The following RGPD2 variants were observed in gnomAD, a reference collection of about 807,000 sequenced individuals.
RGPD2 encodes RANBP2 like and GRIP domain containing 2, also known as RANBP2-like and GRIP domain-containing protein 2.
Under a neutral mutation model 36.0 loss-of-function variants are expected in RGPD2, and 2 were observed. The observed-to-expected ratio is 0.06, with a 90% confidence interval of 0.02 to 0.17. The LOEUF is 0.17. Ranked by LOEUF, RGPD2 falls within the 10% of genes least tolerant of loss-of-function variation. The pLI is 1.00. For missense variants in RGPD2, 40 were observed against 464.3 expected, an observed-to-expected ratio of 0.09 and a Z score of 8.40; for synonymous variants, 19 against 163.8, an observed-to-expected ratio of 0.12 and a Z score of 6.75.
At chr2:87,824,313 T>C (rs1476427264) in intron 1 of RGPD2, among the ~76,000 whole-genome samples, 1 of 151,446 alleles carries the variant, frequency 6.6e-6, no homozygotes, top group Non-Finnish European at 1.5e-5. Context: ...TGTGAGGGAG[T>C]AGAAAAATGG....
chr2:87,939,964 C>T, the RGPD2 span, among the ~76,000 whole-genome samples: 6 of 152,044 alleles, frequency 3.9e-5, no homozygotes, highest in African/African-American at 9.7e-5. Flanking sequence ...TGAACATTTT[C>T]GCATTTCAAA....
intron 19 of RGPD2, among the ~76,000 whole-genome samples, 200 bp from the exon 20 acceptor site, chr2:87,784,547 A>G (rs1438146829): frequency 1.3e-5 from 2 of 151,810 alleles, no homozygotes; most frequent in East Asian, 3.9e-4. Context: ...TCTCATTTTA[A>G]TATCCTCAAA....
the RGPD2 span, among the ~76,000 whole-genome samples, chr2:87,832,431 G>A: frequency 6.6e-6 from 1 of 151,914 alleles, no homozygotes; most frequent in African/African-American, 2.4e-5. Flanking sequence ...AAGTCTGGAA[G>A]AGAAAGGACA....
At chr2:87,815,046 CA>C (rs1686241879) in intron 4 of RGPD2, among the ~76,000 whole-genome samples, 1 of 121,494 alleles carries the variant, frequency 8.2e-6, no homozygotes, top group Non-Finnish European at 1.6e-5. Context: ...AGCATGACTA[CA>C]AAAGGGGCAG....
At chr2:87,860,635 G>T in the RGPD2 span, among the ~76,000 whole-genome samples, 2 of 151,854 alleles carry the variant, frequency 1.3e-5, no homozygotes, top group African/African-American at 4.8e-5. Flanking sequence ...CTACTGGAAG[G>T]TTTTGAAAGC....
At chr2:87,854,790 G>T in the RGPD2 span, among the ~76,000 whole-genome samples, 18,866 of 150,020 alleles carry the variant, frequency 0.13, no homozygotes, top group Middle Eastern at 0.2. Flanking sequence ...AGGACATGTT[G>T]GTTGTTTCCA....
rs1157172351 is a variant in RGPD2 at position 87,781,471 on chromosome 2, T to G, written c.4900+653A>C. On this transcript the variant is annotated intron_variant, in intron 20 of 22. Coordinates refer to ENST00000398146, the MANE Select transcript of RGPD2 (RefSeq NM_001078170.3). ...GGTTTTTTTTGTTTTTTTGTTTTTT[T>G]TTTTTTTTTTGGAGACAAAGTCTCA... Among the ~76,000 whole-genome samples the G allele has an allele frequency of 7.9e-4, 109 of 137,650 alleles. 1 individual carries two copies. The highest frequency in any genetic ancestry group is 1.8e-3 in the African/African-American group (68 of 37,032). The allele number at this position is 137,650 out of a possible 152,430, so 90.3% of individuals were successfully genotyped here. A position where few individuals can be genotyped will look rare whatever the true frequency, so the allele number is the denominator to read the frequency against.
At chr2:87,813,999 T>C (rs945704956) in intron 4 of RGPD2, among the ~76,000 whole-genome samples, 2 of 151,456 alleles carry the variant, frequency 1.3e-5, no homozygotes, top group Middle Eastern at 3.2e-3. Flanking sequence ...GAAAACAATC[T>C]CCTGCCATTA....
chr2:87,972,714 C>G, the RGPD2 span: 1 of 1,532,270 alleles, frequency 6.5e-7, no homozygotes, highest in African/African-American at 1.4e-5. Context: ...CTTCGGGCGC[C>G]GCAACAGCAG....
the RGPD2 span, among the ~76,000 whole-genome samples, chr2:87,983,794 A>G: frequency 6.6e-6 from 1 of 150,720 alleles, no homozygotes; most frequent in African/African-American, 2.4e-5. Context: ...CATAGAGGTA[A>G]TGGCAAGTGC....
At chr2:87,984,854 C>T in the RGPD2 span, among the ~76,000 whole-genome samples, 2 of 150,750 alleles carry the variant, frequency 1.3e-5, no homozygotes, top group South Asian at 4.2e-4. Context: ...GGCATGAACC[C>T]AGGAGGCAGA....
At chr2:87,860,309 C>T in the RGPD2 span, among the ~76,000 whole-genome samples, 1 of 151,974 alleles carries the variant, frequency 6.6e-6, no homozygotes. Context: ...GTTGTGTATC[C>T]ACATGACAGA....
upstream of RGPD2, among the ~76,000 whole-genome samples, chr2:87,830,164 T>TC (rs1672442810): frequency 6.6e-6 from 1 of 151,750 alleles, no homozygotes; most frequent in Admixed American, 6.6e-5. Flanking sequence ...AGGTCCCACA[T>TC]CCAGGTCACA....
the RGPD2 span, among the ~76,000 whole-genome samples, chr2:87,839,225 G>T: frequency 6.6e-6 from 1 of 151,442 alleles, no homozygotes; most frequent in Non-Finnish European, 1.5e-5. Context: ...GCCATGAACA[G>T]ACACTTCTCA....
chr2:87,915,078 T>C, the RGPD2 span, among the ~76,000 whole-genome samples: 3 of 151,498 alleles, frequency 2.0e-5, no homozygotes, highest in Admixed American at 6.6e-5. Context: ...ATGCAGGAGG[T>C]GGAGGTTGCA....
At chr2:87,870,251 G>A in the RGPD2 span, among the ~76,000 whole-genome samples, 3 of 152,396 alleles carry the variant, frequency 2.0e-5, no homozygotes, top group Admixed American at 6.5e-5. Context: ...AGTTAGTAAA[G>A]GGCCAGGTTG....
chr2:87,871,625 G>A, the RGPD2 span, among the ~76,000 whole-genome samples: 1 of 151,872 alleles, frequency 6.6e-6, no homozygotes, highest in East Asian at 1.9e-4. Context: ...CAGCACTTTG[G>A]GAGGCCAAAG....
chr2:87,849,145 TAGTG>T, the RGPD2 span, among the ~76,000 whole-genome samples: 1 of 151,476 alleles, frequency 6.6e-6, no homozygotes, highest in Non-Finnish European at 1.5e-5. Flanking sequence ...CAAGCATGTG[TAGTG>T]AGTGTTTCAA....
chr2:87,958,570 T>C, the RGPD2 span, among the ~76,000 whole-genome samples: 3 of 152,298 alleles, frequency 2.0e-5, no homozygotes, highest in Non-Finnish European at 4.4e-5. Context: ...GATTTTTGTT[T>C]AAAATACACA....
Sources: allele counts gnomAD v4.1 joint callset (sites outside exome capture counted in the v4.1 genomes callset), GRCh38; gene constraint gnomAD v4.1.1; transcripts MANE v1.5; gene names NCBI Gene and HGNC (gene_info 2026-07-23, HGNC 2026-07-21).